IQGAP2: variants seen among roughly 807,000 people sequenced by gnomAD.
IQGAP2 encodes IQ motif containing GTPase activating protein 2.
In IQGAP2, 173 loss-of-function variants were observed where a neutral mutation model predicts 201.3. The observed-to-expected ratio is 0.86, with a 90% confidence interval of 0.76 to 0.98. IQGAP2 has a LOEUF of 0.98. Among genes scored for constraint, IQGAP2 ranks in the 50% least tolerant of loss-of-function variants. IQGAP2 has a pLI of 0.00. For missense variants in IQGAP2, 1,687 were observed against 1,864.8 expected (o/e 0.90, Z 1.76); for synonymous variants, 675 against 673.9 (o/e 1.00, Z -0.03).
At position 76,481,546 on chromosome 5, in the gene IQGAP2, C is replaced by T. The variant is rs112752095; in HGVS notation, c.146+19877C>T. Among the ~76,000 whole-genome samples, 814 of 151,976 alleles carry T rather than the reference C, an allele frequency of 5.4e-3. 8 individuals carry two copies. Among genetic ancestry groups the T allele is most frequent in the African/African-American group, 0.019 (793 of 41,452 alleles). On this transcript the variant is annotated intron_variant, in intron 2 of 35. Transcript: ENST00000274364. ...TACAGGAGTGTGCCACCACACCCAG[C>T]TAATTTTTTGTATTTTTAGTAGAGA...
chr5:76,554,912 T>C (rs1743830856), intron 2 of IQGAP2, among the ~76,000 whole-genome samples: 1 of 152,142 alleles, frequency 6.6e-6, no homozygotes, highest in African/African-American at 2.4e-5. Flanking sequence ...GAAAATAACA[T>C]GTCCAAAAAC....
intron 10 of IQGAP2, among the ~76,000 whole-genome samples, chr5:76,598,244 G>A (rs890027732): frequency 1.3e-5 from 2 of 152,116 alleles, no homozygotes; most frequent in East Asian, 3.8e-4. Flanking sequence ...TTTAAGCTTT[G>A]TTAAGAAAAC....
Position 76,569,179 on chromosome 5 carries a change from T to C in IQGAP2, c.304-1401T>C, listed in dbSNP as rs148642221. 2.5e-3 allele frequency among the ~76,000 whole-genome samples: 380 copies of C among 152,312 alleles called. 1 individual carries two copies. Among genetic ancestry groups the C allele is most frequent in the Non-Finnish European group, 3.7e-3 (255 of 68,014 alleles). ...ATCTAGGTCCTTCATTCTTCTCTGA[T>C]AGAGTGTTAGCATAGGGAAGGTTTT... On this transcript the variant is annotated intron_variant, in intron 3 of 35. Transcript: ENST00000274364.
chr5:76,647,569 C>G (rs1453674905), intron 17 of IQGAP2, among the ~76,000 whole-genome samples: 2 of 152,130 alleles, frequency 1.3e-5, no homozygotes, highest in Admixed American at 6.5e-5. Context: ...TTCTCATTCT[C>G]TCTTGCTGCC....
At chr5:76,601,060 A>T (rs1658931654) in intron 11 of IQGAP2, 88 bp downstream of exon 11, 2 of 1,265,682 alleles carry the variant, frequency 1.6e-6, no homozygotes, top group Admixed American at 3.8e-5. Context: ...TTGGTGGAGA[A>T]ATCCATATAC....
intron 1 of IQGAP2, chr5:76,441,614 G>A: frequency 3.1e-6 from 2 of 642,562 alleles, no homozygotes; most frequent in Non-Finnish European, 3.9e-6. Flanking sequence ...TTCACTTCTG[G>A]TTCTGTTCCC....
chr5:76,483,359 T>A (rs1755905963), intron 2 of IQGAP2, among the ~76,000 whole-genome samples: 1 of 152,192 alleles, frequency 6.6e-6, no homozygotes, highest in South Asian at 2.1e-4. Context: ...AGTATATGCA[T>A]GTGGTTAATT....
chr5:76,560,693 C>G (rs901468012), intron 2 of IQGAP2, among the ~76,000 whole-genome samples: 2 of 152,162 alleles, frequency 1.3e-5, no homozygotes, highest in Non-Finnish European at 2.9e-5. Flanking sequence ...CACATCATAG[C>G]CTCTCATATG....
intron 21 of IQGAP2, among the ~76,000 whole-genome samples, chr5:76,660,644 T>G (rs3822546): frequency 0.46 from 70,192 of 151,816 alleles, 16,502 homozygotes; most frequent in Non-Finnish European, 0.51. Context: ...TTTGTGGGGG[T>G]TTTTTAAAGC....
At chr5:76,609,243 G>T in intron 12 of IQGAP2, 1 of 1,535,688 alleles carries the variant, frequency 6.5e-7, no homozygotes, top group Middle Eastern at 1.7e-4. Flanking sequence ...ATTTAGAACA[G>T]CTTACCCAAG....
chr5:76,485,957 C>T (rs1182975760), intron 2 of IQGAP2, among the ~76,000 whole-genome samples: 3 of 152,276 alleles, frequency 2.0e-5, no homozygotes, highest in African/African-American at 7.2e-5. Flanking sequence ...TTCCTCAGCA[C>T]ATACAATTTT....
chr5:76,602,409 G>A (rs778927402), intron 11 of IQGAP2, among the ~76,000 whole-genome samples: 15 of 152,028 alleles, frequency 9.9e-5, no homozygotes, highest in Non-Finnish European at 1.9e-4. Flanking sequence ...ATTAGCCCCT[G>A]ACTCACCCAT....
rs1211706403 is a variant in IQGAP2, at chr5:76,699,660, T to A, written c.4368-1416T>A. On this transcript the variant is annotated intron_variant, in intron 33 of 35. Transcript: ENST00000274364. Reference sequence around the variant, plus strand: ...CTCTCTCTCTCTCTCTCTCTCTCTCTCACTCTCGTGCTCTCTCTCTCTCCA... The same window carrying A: ...CTCTCTCTCTCTCTCTCTCTCTCTCACACTCTCGTGCTCTCTCTCTCTCCA... Among the ~76,000 whole-genome samples, 7 of 65,986 alleles carry A rather than the reference T, an allele frequency of 1.1e-4. No homozygotes were observed. The South Asian group carries it at 2.7e-3, about 25-fold the overall frequency. The allele number at this position is 65,986 out of a possible 152,430, so 43.3% of individuals were successfully genotyped here. A position where few individuals can be genotyped will look rare whatever the true frequency, so the allele number is the denominator to read the frequency against.
intron 2 of IQGAP2, among the ~76,000 whole-genome samples, chr5:76,523,853 T>C (rs1223721997): frequency 6.6e-6 from 1 of 152,152 alleles, no homozygotes; most frequent in Non-Finnish European, 1.5e-5. Context: ...AGAGAGTTAT[T>C]ACATCCTGAT....
intron 2 of IQGAP2, among the ~76,000 whole-genome samples, chr5:76,475,137 G>A (rs1355763914): frequency 6.6e-6 from 1 of 152,112 alleles, no homozygotes; most frequent in African/African-American, 2.4e-5. Context: ...AAGGAACAGA[G>A]GATACCCCTT....
chr5:76,681,680 G>A (rs1745314201), intron 28 of IQGAP2, among the ~76,000 whole-genome samples: 1 of 152,032 alleles, frequency 6.6e-6, no homozygotes, highest in Non-Finnish European at 1.5e-5. Flanking sequence ...GCTGGAGTAT[G>A]GCGGCACGAT....
intron 13 of IQGAP2, among the ~76,000 whole-genome samples, chr5:76,611,556 T>C (rs909722025): frequency 2.6e-5 from 4 of 152,220 alleles, no homozygotes; most frequent in South Asian, 2.1e-4. Flanking sequence ...TCTGACCTTA[T>C]CTTCAAAATG....
chr5:76,668,408 T>C (rs532536082), intron 22 of IQGAP2, among the ~76,000 whole-genome samples: 3 of 151,558 alleles, frequency 2.0e-5, no homozygotes, highest in East Asian at 3.9e-4. Context: ...TTGATATTAA[T>C]ATTTTAAAAT....
intron 24 of IQGAP2, among the ~76,000 whole-genome samples, chr5:76,672,689 A>C (rs1007011164): frequency 1.3e-5 from 2 of 152,200 alleles, no homozygotes; most frequent in Admixed American, 1.3e-4. Flanking sequence ...TGCTCATTAC[A>C]TACGCCACAC....
Sources: gnomAD v4.1 joint callset for allele counts (sites outside exome capture counted in the v4.1 genomes callset) on GRCh38, gnomAD v4.1.1 for gene constraint, MANE v1.5 for transcripts, NCBI Gene and HGNC (gene_info 2026-07-23, HGNC 2026-07-21) for gene names.